Variants in NLGN1 observed in about 807,000 individuals in gnomAD.
The protein encoded by NLGN1 is neuroligin 1.
A neutral mutation model predicts 65.5 loss-of-function variants in NLGN1; 12 were observed. That is an observed-to-expected ratio of 0.18 (90% CI 0.12 to 0.30). The LOEUF is 0.30. Among genes scored for constraint, NLGN1 ranks in the 10% least tolerant of loss-of-function variants. The pLI, the probability that NLGN1 is intolerant of heterozygous loss-of-function variation, is 1.00. For missense variants in NLGN1, 750 were observed against 1,007.1 expected, an observed-to-expected ratio of 0.74 and a Z score of 3.46; for synonymous variants, 350 against 359.5, an observed-to-expected ratio of 0.97 and a Z score of 0.30.
chr3:174,261,911 CA>C (rs1020584226), intron 4 of NLGN1, among the ~76,000 whole-genome samples: 20 of 146,928 alleles, frequency 1.4e-4, no homozygotes, highest in African/African-American at 3.9e-4. Flanking sequence ...TGAATTTTGT[CA>C]AAGGCTTTTT....
intron 4 of NLGN1, among the ~76,000 whole-genome samples, chr3:173,935,616 A>G (rs1744905597): frequency 8.6e-6 from 1 of 116,354 alleles, no homozygotes; most frequent in Admixed American, 8.8e-5. Flanking sequence ...ACACACACAC[A>G]CACACACTCT....
intron 4 of NLGN1, among the ~76,000 whole-genome samples, chr3:173,985,112 G>C (rs1283736462): frequency 6.6e-6 from 1 of 152,192 alleles, no homozygotes; most frequent in Non-Finnish European, 1.5e-5. Context: ...TGCTCTAGAA[G>C]CTCTGTAATC....
At chr3:174,265,676 G>C (rs1168841732) in intron 4 of NLGN1, among the ~76,000 whole-genome samples, 1 of 151,166 alleles carries the variant, frequency 6.6e-6, no homozygotes, top group African/African-American at 2.4e-5. Flanking sequence ...GACCGGAGCT[G>C]TTCCTATCCG....
intron 4 of NLGN1, among the ~76,000 whole-genome samples, chr3:174,226,764 A>G (rs62291765): frequency 6.6e-6 from 1 of 152,166 alleles, no homozygotes; most frequent in African/African-American, 2.4e-5. Context: ...TTTTTTAAAA[A>G]TGACTTGCTG....
chr3:174,229,903 G>GCCTCC (rs1158704416), intron 4 of NLGN1, among the ~76,000 whole-genome samples: 1 of 152,144 alleles, frequency 6.6e-6, no homozygotes, highest in Non-Finnish European at 1.5e-5. Context: ...ATACACTTGA[G>GCCTCC]CCTCCAGTTC....
At chr3:174,199,674 G>A (rs1734088253) in intron 4 of NLGN1, among the ~76,000 whole-genome samples, 1 of 152,100 alleles carries the variant, frequency 6.6e-6, no homozygotes, top group African/African-American at 2.4e-5. Context: ...AAGGCTCAGG[G>A]AAAGAAACTT....
intron 4 of NLGN1, among the ~76,000 whole-genome samples, chr3:173,869,373 G>A (rs1730756859): frequency 6.6e-6 from 1 of 152,072 alleles, no homozygotes; most frequent in Admixed American, 6.5e-5. Flanking sequence ...TAATGAAAAT[G>A]ATCAATAATC....
At chr3:173,970,312 G>A (rs1715929645) in intron 4 of NLGN1, among the ~76,000 whole-genome samples, 1 of 152,142 alleles carries the variant, frequency 6.6e-6, no homozygotes, top group African/African-American at 2.4e-5. Context: ...AAAATGTACA[G>A]GGTGCGTTGT....
intron 4 of NLGN1, among the ~76,000 whole-genome samples, chr3:174,030,335 A>T (rs1014508236): frequency 6.6e-6 from 1 of 152,038 alleles, no homozygotes; most frequent in Non-Finnish European, 1.5e-5. Context: ...CATGTTGGCC[A>T]GGCTGGTCTC....
chr3:174,015,326 C>CT (rs1726334636), intron 4 of NLGN1, among the ~76,000 whole-genome samples: 2 of 152,158 alleles, frequency 1.3e-5, no homozygotes, highest in African/African-American at 4.8e-5. Flanking sequence ...TACTTGAACT[C>CT]TGAGGTCAGA....
At chr3:173,885,034 C>T (rs951321120) in intron 4 of NLGN1, among the ~76,000 whole-genome samples, 3 of 151,920 alleles carry the variant, frequency 2.0e-5, no homozygotes, top group Non-Finnish European at 4.4e-5. Flanking sequence ...TGCTAAAGTC[C>T]CCACCTTTGA....
intron 3 of NLGN1, among the ~76,000 whole-genome samples, chr3:173,785,010 T>C (rs1301426653): frequency 3.3e-5 from 5 of 149,782 alleles, no homozygotes; most frequent in Non-Finnish European, 7.4e-5. Flanking sequence ...AACAAATATA[T>C]AGACAGAGGC....
At chr3:173,759,016 C>T (rs558409745) in intron 3 of NLGN1, among the ~76,000 whole-genome samples, 3 of 151,898 alleles carry the variant, frequency 2.0e-5, no homozygotes, top group Non-Finnish European at 2.9e-5. Flanking sequence ...ACTTGCATGA[C>T]GTTCAGCCTA....
At chr3:174,113,702 T>A (rs759249345) in intron 4 of NLGN1, among the ~76,000 whole-genome samples, 15 of 152,194 alleles carry the variant, frequency 9.9e-5, no homozygotes, top group Non-Finnish European at 1.8e-4. Context: ...GTCATAGGCA[T>A]GTTGTATAGA....
intron 4 of NLGN1, among the ~76,000 whole-genome samples, chr3:173,973,100 A>C (rs1468839240): frequency 6.6e-6 from 1 of 152,154 alleles, no homozygotes. Flanking sequence ...AACTAGCAAT[A>C]ACATACTCAT....
chr3:174,254,339 A>C (rs545001360), intron 4 of NLGN1, among the ~76,000 whole-genome samples: 2 of 66,166 alleles, frequency 3.0e-5, no homozygotes, highest in Admixed American at 3.5e-4. Flanking sequence ...TTTGTAATTT[A>C]AAGTTTGGGA....
intron 4 of NLGN1, among the ~76,000 whole-genome samples, chr3:174,197,394 G>C (rs1179848436): frequency 6.6e-6 from 1 of 151,666 alleles, no homozygotes; most frequent in Non-Finnish European, 1.5e-5. Context: ...GTTTATATCA[G>C]ATACAGAGTG....
intron 2 of NLGN1, among the ~76,000 whole-genome samples, chr3:173,517,819 T>C (rs987779237): frequency 6.6e-6 from 1 of 151,054 alleles, no homozygotes; most frequent in Non-Finnish European, 1.5e-5. Flanking sequence ...ATCTGTCATC[T>C]ATCTCCATGG....
At chr3:173,567,443 AAAT>A (rs1190457453) in intron 2 of NLGN1, among the ~76,000 whole-genome samples, 2 of 152,092 alleles carry the variant, frequency 1.3e-5, no homozygotes, top group East Asian at 3.9e-4. Context: ...AGATAAATAG[AAAT>A]AAGGAATATA....
Sources: allele counts gnomAD v4.1 joint callset (sites outside exome capture counted in the v4.1 genomes callset), GRCh38; gene constraint gnomAD v4.1.1; transcripts MANE v1.5; gene names NCBI Gene and HGNC (gene_info 2026-07-23, HGNC 2026-07-21).